The following CRISPLD2 variants were observed in gnomAD, a reference collection of about 807,000 sequenced individuals.
CRISPLD2 encodes the protein cysteine rich secretory protein LCCL domain containing 2.
In CRISPLD2, 47 loss-of-function variants were observed where a neutral mutation model predicts 71.1. The observed-to-expected ratio is 0.66, with a 90% confidence interval of 0.52 to 0.84. The LOEUF is 0.84. CRISPLD2 is among the 40% of genes least tolerant of loss of function. The probability of loss-of-function intolerance (pLI) is 0.00; values close to 1 mark genes in which losing one functional copy is unlikely to be tolerated. For missense variants in CRISPLD2, 830 were observed against 651.1 expected (o/e 1.27, Z -2.99); for synonymous variants, 317 against 250.1 (o/e 1.27, Z -2.52).
chr16:84,905,266 C>A (rs2071790982), intron 14 of CRISPLD2, among the ~76,000 whole-genome samples: 1 of 152,154 alleles, frequency 6.6e-6, no homozygotes, highest in Non-Finnish European at 1.5e-5. Flanking sequence ...GTGTCTAAAA[C>A]AATTTTTAAA....
At chr16:84,867,388 C>T (rs558966906) in intron 7 of CRISPLD2, among the ~76,000 whole-genome samples, 1 of 152,276 alleles carries the variant, frequency 6.6e-6, no homozygotes, top group East Asian at 1.9e-4. Flanking sequence ...CAGCGTCCAG[C>T]CTGGCTCTGG....
intron 1 of CRISPLD2, among the ~76,000 whole-genome samples, chr16:84,836,920 C>T (rs1916635300): frequency 6.6e-6 from 1 of 152,190 alleles, no homozygotes; most frequent in African/African-American, 2.4e-5. Context: ...CTTCTTCCGG[C>T]CCTCGAGGGC....
intron 14 of CRISPLD2, among the ~76,000 whole-genome samples, chr16:84,893,544 C>T (rs1347202725): frequency 1.3e-5 from 2 of 152,234 alleles, no homozygotes; most frequent in Non-Finnish European, 1.5e-5. Context: ...GGGAGCACAA[C>T]AGCAGACCTC....
At chr16:84,872,608 C>G (rs1448781398) in intron 9 of CRISPLD2, 100 bp downstream of exon 9, 2 of 1,041,658 alleles carry the variant, frequency 1.9e-6, no homozygotes, top group Non-Finnish European at 2.9e-6. Context: ...TTTCTTTCCA[C>G]TCCTTAGTCA....
rs74031016 is a variant in CRISPLD2 at position 84,888,718 on chromosome 16, G to A, written c.1306-512G>A. ...TATATCCACCCCAGGGCATTTGCAC[G>A]AGCCTTTCCCTCTGCCTGGGATGCT... On this transcript the variant is annotated intron_variant, in intron 13 of 14. Coordinates refer to ENST00000262424, the MANE Select transcript of CRISPLD2 (RefSeq NM_031476.4). Among the ~76,000 whole-genome samples the A allele has an allele frequency of 7.8e-3, 1,185 of 152,258 alleles. 8 individuals carry two copies. The highest frequency in any genetic ancestry group is 0.024 in the African/African-American group (985 of 41,552).
In CRISPLD2 at chr16:84,850,467, C is replaced by T. The variant is rs187545358; in HGVS notation, c.493-101C>T. 1.3e-3 allele frequency: 1,168 copies of T among 881,420 alleles called. 25 individuals carry two copies. In the East Asian group the frequency reaches 0.027, roughly 20 times the overall value. The allele number at this position is 881,420 out of a possible 1,614,324, so 54.6% of individuals were successfully genotyped here. On this transcript the variant is annotated intron_variant, in intron 4 of 14. Coordinates refer to ENST00000262424, the MANE Select transcript of CRISPLD2 (RefSeq NM_031476.4). ...TATCTGCTTCCCCAACCCTTCACCTCGTACCTCTTTAGTGCCAGCACCTTA... is the reference window on the plus strand; with the variant it reads ...TATCTGCTTCCCCAACCCTTCACCTTGTACCTCTTTAGTGCCAGCACCTTA...
intron 8 of CRISPLD2, 104 bp downstream of exon 8, chr16:84,869,015 A>G: frequency 1.0e-6 from 1 of 995,876 alleles, no homozygotes; most frequent in Non-Finnish European, 1.5e-6. Flanking sequence ...CTGCTGTTGC[A>G]TATTTAGCAA....
intron 8 of CRISPLD2, among the ~76,000 whole-genome samples, chr16:84,870,889 C>G (rs2071462661): frequency 6.6e-6 from 1 of 151,060 alleles, no homozygotes; most frequent in Admixed American, 6.6e-5. Flanking sequence ...GAAACCCTGT[C>G]TCTACTAGAA....
intron 1 of CRISPLD2, among the ~76,000 whole-genome samples, chr16:84,828,655 A>G (rs993960757): frequency 2.0e-5 from 3 of 152,134 alleles, no homozygotes; most frequent in African/African-American, 7.2e-5. Flanking sequence ...GGGGTTTTAA[A>G]GAATGTATTA....
At chr16:84,889,399 C>G (rs2071641683) in intron 14 of CRISPLD2, 36 bp downstream of exon 14, 1 of 1,580,820 alleles carries the variant, frequency 6.3e-7, no homozygotes, top group Non-Finnish European at 8.6e-7. Context: ...ACACCCAATC[C>G]CGGCTGCTAA....
chr16:84,834,937 T>C (rs1916579488), intron 1 of CRISPLD2, among the ~76,000 whole-genome samples: 1 of 151,994 alleles, frequency 6.6e-6, no homozygotes, highest in Admixed American at 6.6e-5. Flanking sequence ...TCCAAATACA[T>C]TGCATTTGGA....
rs534283148 is a variant in CRISPLD2 at position 84,846,020 on chromosome 16, T to C, written c.359+116T>C. Reference sequence around the variant, plus strand: ...CAAAGAGAGTGAGAGAGACCACCCGTCCCATCGATATTCTGGGAAACTGAG... The same window carrying C: ...CAAAGAGAGTGAGAGAGACCACCCGCCCCATCGATATTCTGGGAAACTGAG... On this transcript the variant is annotated intron_variant, in intron 3 of 14. Transcript: ENST00000262424. 4.8e-6 allele frequency: 3 copies of C among 624,304 alleles called. No individual in the cohort carries two copies. The African/African-American group carries it at 5.6e-5, about 12-fold the overall frequency. The allele number at this position is 624,304 out of a possible 1,614,324, so 38.7% of individuals were successfully genotyped here. A position where few individuals can be genotyped will look rare whatever the true frequency, so the allele number is the denominator to read the frequency against.
intron 6 of CRISPLD2, among the ~76,000 whole-genome samples, chr16:84,863,981 A>G (rs1205026937): frequency 6.9e-6 from 1 of 145,358 alleles, no homozygotes; most frequent in East Asian, 2.0e-4. Flanking sequence ...AAAAAGAAAG[A>G]AAGAGAGAGA....
intron 14 of CRISPLD2, among the ~76,000 whole-genome samples, chr16:84,902,329 G>A (rs374082298): frequency 1.3e-5 from 2 of 151,994 alleles, no homozygotes; most frequent in Non-Finnish European, 2.9e-5. Flanking sequence ...CGATGAACAG[G>A]CCGGGCGCAG....
chr16:84,847,444 G>A (rs148790887), intron 3 of CRISPLD2, among the ~76,000 whole-genome samples: 4 of 152,322 alleles, frequency 2.6e-5, no homozygotes, highest in Non-Finnish European at 5.9e-5. Context: ...AAGGTCAGGA[G>A]TTCAAGACTA....
At chr16:84,823,210 A>C (rs1343307682) in intron 1 of CRISPLD2, among the ~76,000 whole-genome samples, 1 of 152,196 alleles carries the variant, frequency 6.6e-6, no homozygotes, top group Non-Finnish European at 1.5e-5. Flanking sequence ...TTTATGGCTG[A>C]GTAATATTCC....
At chr16:84,869,580 G>T (rs533924838) in intron 8 of CRISPLD2, among the ~76,000 whole-genome samples, 1 of 152,386 alleles carries the variant, frequency 6.6e-6, no homozygotes, top group South Asian at 2.1e-4. Flanking sequence ...AGGCGGCTCA[G>T]TGGGCTCACA....
At chr16:84,869,295 G>T (rs986423967) in intron 8 of CRISPLD2, among the ~76,000 whole-genome samples, 1 of 152,216 alleles carries the variant, frequency 6.6e-6, no homozygotes, top group Admixed American at 6.5e-5. Context: ...GTTCTTTGTG[G>T]TAGTAAACAG....
intron 11 of CRISPLD2, among the ~76,000 whole-genome samples, chr16:84,874,374 A>G (rs2934484): frequency 0.47 from 71,815 of 152,122 alleles, 19,573 homozygotes; most frequent in African/African-American, 0.75. Context: ...GTCTGCCATG[A>G]GCAAGAGAGG....
Sources: allele counts gnomAD v4.1 joint callset (sites outside exome capture counted in the v4.1 genomes callset), GRCh38; gene constraint gnomAD v4.1.1; transcripts MANE v1.5; gene names NCBI Gene and HGNC (gene_info 2026-07-23, HGNC 2026-07-21).